TNRC6B: variants seen among roughly 807,000 people sequenced by gnomAD.
The protein encoded by TNRC6B is trinucleotide repeat-containing gene 6B protein.
Under a neutral mutation model 203.6 loss-of-function variants are expected in TNRC6B, and 52 were observed. That is an observed-to-expected ratio of 0.26 (90% CI 0.20 to 0.32). TNRC6B has a LOEUF of 0.32. Among genes scored for constraint, TNRC6B ranks in the 10% least tolerant of loss-of-function variants. The pLI is 1.00. For missense variants in TNRC6B, 1,923 were observed against 2,286.2 expected, an observed-to-expected ratio of 0.84 and a Z score of 3.24; for synonymous variants, 838 against 845.7, an observed-to-expected ratio of 0.99 and a Z score of 0.16.
At chr22:40,243,586 A>T (rs1397679762) in intron 1 of TNRC6B, among the ~76,000 whole-genome samples, 1 of 152,070 alleles carries the variant, frequency 6.6e-6, no homozygotes, top group East Asian at 1.9e-4. Flanking sequence ...TTATTTTATT[A>T]ATTTATTATT....
At chr22:40,217,929 C>A (rs115770914) in intron 1 of TNRC6B, among the ~76,000 whole-genome samples, 1 of 146,812 alleles carries the variant, frequency 6.8e-6, no homozygotes. Context: ...GCCGAGGTCA[C>A]GCTACTGCAC....
At position 40,335,490 on chromosome 22, in the gene TNRC6B, A is replaced by C. The variant is rs2044022971; in HGVS notation, c.*12249A>C. ...CATGCTGGATTTCAAAAAAAAAAAA[A>C]AAAGTATCAAAAACAAAAAAAACTA... On this transcript the variant is annotated 3_prime_UTR_variant, in exon 23 of 23. Transcript: ENST00000454349. 1.3e-5 allele frequency: 2 copies of C among 151,348 alleles called. No individual in the cohort carries two copies. The highest frequency in any genetic ancestry group is 3.9e-4 in the East Asian group (2 of 5,176). 9.4% of individuals were successfully genotyped at this position (151,348 alleles called of 1,614,324 possible). A position where few individuals can be genotyped will look rare whatever the true frequency, so the allele number is the denominator to read the frequency against.
At chr22:40,050,410 T>G (rs1453174429) in intron 1 of TNRC6B, among the ~76,000 whole-genome samples, 1 of 152,186 alleles carries the variant, frequency 6.6e-6, no homozygotes, top group African/African-American at 2.4e-5. Flanking sequence ...AGGTCCTTCT[T>G]TCAGTTCCTC....
chr22:40,329,671 C>G lies in TNRC6B; in HGVS notation c.*6430C>G, dbSNP rs967361479. On this transcript the variant is annotated 3_prime_UTR_variant, in exon 23 of 23. Transcript: ENST00000454349. ...GTGGAGAGCTACTCCTCCAGCAGCT[C>G]AGCACCCACACTGCCCGCATGCGTG... The G allele has an allele frequency of 6.6e-6, 1 of 152,204 alleles. No individual in the cohort carries two copies. The highest frequency in any genetic ancestry group is 2.4e-5 in the African/African-American group (1 of 41,448). The allele number at this position is 152,204 out of a possible 1,614,324, so 9.4% of individuals were successfully genotyped here.
At chr22:40,222,673 T>TCCTTTTATG (rs1026848488) in intron 1 of TNRC6B, among the ~76,000 whole-genome samples, 2 of 151,328 alleles carry the variant, frequency 1.3e-5, no homozygotes, top group African/African-American at 4.9e-5. Context: ...ATCTCTTTTA[T>TCCTTTTATG]CCTTTTATGC....
At chr22:40,224,474 A>G (rs2069756910) in intron 1 of TNRC6B, among the ~76,000 whole-genome samples, 1 of 152,060 alleles carries the variant, frequency 6.6e-6, no homozygotes. Flanking sequence ...TTTATGTATT[A>G]TGAAACCTAG....
chr22:40,234,626 TACCA>T (rs1293925966), intron 1 of TNRC6B, among the ~76,000 whole-genome samples: 6 of 152,238 alleles, frequency 3.9e-5, no homozygotes, highest in African/African-American at 1.4e-4. Flanking sequence ...TACATTTTGT[TACCA>T]ACATATAAAA....
intron 12 of TNRC6B, among the ~76,000 whole-genome samples, chr22:40,287,882 CAG>C (rs1344291833): frequency 6.6e-6 from 1 of 152,150 alleles, no homozygotes; most frequent in Non-Finnish European, 1.5e-5. Flanking sequence ...AAATGTTTAA[CAG>C]AGTTTGGGTA....
chr22:40,196,507 G>C (rs1470542580), intron 1 of TNRC6B, among the ~76,000 whole-genome samples: 2 of 152,086 alleles, frequency 1.3e-5, no homozygotes, highest in Non-Finnish European at 2.9e-5. Flanking sequence ...TCTAGGACTT[G>C]TTGGCACCTT....
At chr22:40,249,177 T>A (rs2070150012) in intron 2 of TNRC6B, among the ~76,000 whole-genome samples, 1 of 152,230 alleles carries the variant, frequency 6.6e-6, no homozygotes, top group Non-Finnish European at 1.5e-5. Flanking sequence ...CCATCTTCAC[T>A]GTTAGACTGA....
intron 1 of TNRC6B, among the ~76,000 whole-genome samples, chr22:40,184,588 C>T (rs908776691): frequency 3.9e-5 from 6 of 152,098 alleles, no homozygotes; most frequent in Non-Finnish European, 5.9e-5. Context: ...TTTTGAAAGA[C>T]GATTCTGGTG....
Position 40,301,025 on chromosome 22 carries a change from C to T in TNRC6B, c.3936+20C>T. On this transcript the variant is annotated intron_variant, in intron 14 of 22. Coordinates refer to ENST00000454349, the MANE Select transcript of TNRC6B (RefSeq NM_001162501.2). ...CAGCAGGTACGTGGGTAGGCAGGGT[C>T]CCTCCAGTGCTGTGTTGGAGGAGTA... 1 of 1,604,970 alleles carries T rather than the reference C, an allele frequency of 6.2e-7. No homozygotes were observed. The highest frequency in any genetic ancestry group is 8.5e-7 in the Non-Finnish European group (1 of 1,175,446).
Position 40,264,918 on chromosome 22 carries a change from A to G in TNRC6B, c.688A>G (p.Thr230Ala), listed in dbSNP as rs770281620. ...SASNPGSEKSTLPGSTTSNKG... is the reference protein window; with the variant it reads ...SASNPGSEKSALPGSTTSNKG... ...CTCGAACCCTGGCTCTGAGAAGAGC[A>G]CTCTGCCAGGAAGCACCACTAGTAA... Residue 230 changes from threonine to alanine, a missense_variant, in exon 5 of 23, where the codon ACT (threonine) becomes GCT (alanine). Coordinates refer to ENST00000454349, the MANE Select transcript of TNRC6B (RefSeq NM_001162501.2). 5 of 1,613,772 alleles carry G rather than the reference A, an allele frequency of 3.1e-6. No homozygotes were observed. Among genetic ancestry groups the G allele is most frequent in the Non-Finnish European group, 4.2e-6 (5 of 1,179,878 alleles).
At chr22:40,049,422 G>A (rs1438548798) in intron 1 of TNRC6B, among the ~76,000 whole-genome samples, 2 of 151,932 alleles carry the variant, frequency 1.3e-5, no homozygotes, top group African/African-American at 4.8e-5. Context: ...CTTCTATCCC[G>A]GAGATAAACA....
At chr22:40,314,256 TAC>T (rs2071227211) in intron 19 of TNRC6B, among the ~76,000 whole-genome samples, 1 of 152,228 alleles carries the variant, frequency 6.6e-6, no homozygotes, top group Non-Finnish European at 1.5e-5. Flanking sequence ...ATCATTTAGT[TAC>T]AAAACCTCAG....
Position 40,177,970 on chromosome 22 carries a change from G to C in TNRC6B, c.-166G>C. The C allele has an allele frequency of 6.8e-7, 1 of 1,460,438 alleles. No homozygotes were observed. The highest frequency in any genetic ancestry group is 9.0e-7 in the Non-Finnish European group (1 of 1,113,284). The allele number at this position is 1,460,438 out of a possible 1,614,324, so 90.5% of individuals were successfully genotyped here. ...AGAGCAAGAGGGAGAGTGTGTGAGA[G>C]AGAGTTAGTTCAAGCCAAAATGGCC... On this transcript the variant is annotated 5_prime_UTR_variant, in exon 1 of 23. Transcript: ENST00000454349.
Position 40,315,495 on chromosome 22 carries a change from C to T in TNRC6B, c.4891C>T (p.Arg1631Trp), listed in dbSNP as rs561488028. The T allele has an allele frequency of 3.1e-6, 5 of 1,614,000 alleles. No homozygotes were observed. Among genetic ancestry groups the T allele is most frequent in the East Asian group, 2.2e-5 (1 of 44,890 alleles). Residue 1631 changes from arginine (R) to tryptophan (W), a missense_variant, in exon 20 of 23, where the codon CGG becomes TGG. This residue lies in a region of TNRC6B where 159 missense variants were observed against 181.0 expected (regional missense o/e 0.88). Coordinates refer to ENST00000454349, the MANE Select transcript of TNRC6B (RefSeq NM_001162501.2). ...SVRGWGTQDS[R>W]LASASTWSDG... is the part of the protein sequence containing the mutation. Reference sequence around the variant, plus strand: ...CAGGGGGTGGGGGACACAGGACTCACGGCTCGCCTCGGGTGAGGAGGATCT... The same window carrying T: ...CAGGGGGTGGGGGACACAGGACTCATGGCTCGCCTCGGGTGAGGAGGATCT...
At chr22:40,177,739 C>T (rs778022314), upstream of TNRC6B, among the ~76,000 whole-genome samples, 2 of 152,220 alleles carry the variant, frequency 1.3e-5, no homozygotes, top group Non-Finnish European at 2.9e-5. Flanking sequence ...TTGCCACTTT[C>T]ACATGCAGTG....
In TNRC6B at chr22:40,155,998, G is replaced by T; in HGVS notation, c.46-117G>T. On this transcript the variant is annotated intron_variant, in intron 3 of 23. Transcript: ENST00000301923. ...TTGAAAACCATTGGCCCAGGCTTCT[G>T]TTCTGTGCACCACAGTGAAACGGCC... The T allele has an allele frequency of 3.6e-6, 3 of 831,328 alleles. No homozygotes were observed. The South Asian group carries it at 5.3e-5, about 15-fold the overall frequency. 51.5% of individuals were successfully genotyped at this position (831,328 alleles called of 1,614,324 possible).
Sources: gnomAD v4.1 joint callset for allele counts (sites outside exome capture counted in the v4.1 genomes callset) on GRCh38, gnomAD v4.1.1 for gene constraint, gnomAD v4.1.1 regional missense constraint, MANE v1.5 for transcripts, NCBI Gene and HGNC (gene_info 2026-07-23, HGNC 2026-07-21) for gene names.